The following NRXN3 variants were observed in gnomAD, a reference collection of about 807,000 sequenced individuals.
NRXN3 encodes neurexin III.
Under a neutral mutation model 137.6 loss-of-function variants are expected in NRXN3, and 32 were observed. The ratio of observed to expected loss-of-function variants is 0.23; its 90% CI spans 0.18 to 0.31. NRXN3 has a LOEUF of 0.31. NRXN3 is among the 10% of genes least tolerant of loss of function. The pLI is 1.00. For synonymous variants in NRXN3, 798 were observed against 784.5 expected, an observed-to-expected ratio of 1.02 and a Z score of -0.29; for missense variants, 1,574 against 2,062.5, an observed-to-expected ratio of 0.76 and a Z score of 4.59.
At chr14:78,288,668 TG>T (rs1479350420) in intron 3 of NRXN3, among the ~76,000 whole-genome samples, 2 of 152,216 alleles carry the variant, frequency 1.3e-5, no homozygotes, top group Non-Finnish European at 2.9e-5. Flanking sequence ...TTCTTTCCTT[TG>T]GAATGATTCT....
chr14:79,319,830 C>T (rs1478461027), intron 15 of NRXN3, among the ~76,000 whole-genome samples: 2 of 152,074 alleles, frequency 1.3e-5, no homozygotes, highest in Admixed American at 1.3e-4. Flanking sequence ...CTCTCTTGAC[C>T]AGCTCTGTTA....
chr14:79,285,223 G>A (rs960805436), intron 15 of NRXN3, among the ~76,000 whole-genome samples: 4 of 152,108 alleles, frequency 2.6e-5, no homozygotes, highest in African/African-American at 4.8e-5. Flanking sequence ...TACTGGCTGC[G>A]GGATGAAATT....
intron 20 of NRXN3, among the ~76,000 whole-genome samples, chr14:79,837,940 T>C (rs2099347712): frequency 6.6e-6 from 1 of 152,176 alleles, no homozygotes; most frequent in African/African-American, 2.4e-5. Flanking sequence ...TTTATATTTG[T>C]CTTATAGATA....
intron 10 of NRXN3, among the ~76,000 whole-genome samples, chr14:78,953,152 T>C (rs1280370040): frequency 6.6e-6 from 1 of 152,246 alleles, no homozygotes; most frequent in Non-Finnish European, 1.5e-5. Context: ...GTTCACCTTA[T>C]GAAGGTGTGT....
intron 8 of NRXN3, among the ~76,000 whole-genome samples, chr14:78,763,864 C>T (rs1229397603): frequency 1.3e-5 from 2 of 152,162 alleles, no homozygotes; most frequent in African/African-American, 4.8e-5. Context: ...GTGATTTAAT[C>T]CCTTGGCATT....
At chr14:79,660,533 G>A (rs2098528332) in intron 16 of NRXN3, among the ~76,000 whole-genome samples, 1 of 152,152 alleles carries the variant, frequency 6.6e-6, no homozygotes, top group African/African-American at 2.4e-5. Context: ...TATTCTGGCA[G>A]AGATTAAATC....
chr14:78,702,012 C>T (rs1235758824), intron 6 of NRXN3, among the ~76,000 whole-genome samples: 1 of 152,138 alleles, frequency 6.6e-6, no homozygotes, highest in Non-Finnish European at 1.5e-5. Context: ...TTACTGACCC[C>T]TGTTAGCAAG....
chr14:78,466,424 G>T (rs1222948390), intron 4 of NRXN3, among the ~76,000 whole-genome samples: 2 of 152,196 alleles, frequency 1.3e-5, no homozygotes, highest in African/African-American at 4.8e-5. Flanking sequence ...AGACTGAGTA[G>T]TATTTCTATG....
intron 10 of NRXN3, among the ~76,000 whole-genome samples, chr14:78,886,494 T>C (rs2099144182): frequency 1.3e-5 from 2 of 152,114 alleles, no homozygotes; most frequent in Non-Finnish European, 1.5e-5. Flanking sequence ...TTGCTTCTTT[T>C]ATATCTCTTT....
chr14:78,888,302 C>G (rs1001552916), intron 10 of NRXN3, among the ~76,000 whole-genome samples: 1 of 152,000 alleles, frequency 6.6e-6, no homozygotes, highest in African/African-American at 2.4e-5. Flanking sequence ...TTAAGAGAAT[C>G]TGTTCTGTTT....
At chr14:79,607,559 A>T (rs2098036743) in intron 16 of NRXN3, among the ~76,000 whole-genome samples, 1 of 152,208 alleles carries the variant, frequency 6.6e-6, no homozygotes, top group African/African-American at 2.4e-5. Flanking sequence ...TAAGAAGAAC[A>T]TATCTTTTCT....
rs538118566 is a variant in NRXN3 at position 78,186,367 on chromosome 14, G to C, written c.-704+15693G>C. On this transcript the variant is annotated intron_variant, in intron 1 of 20. Transcript: ENST00000335750. ...TGGCTTCCCAGGCAGAGCCTGAGGT[G>C]CAGGAACCTGAGTTCATGCTTTATG... 5.3e-5 allele frequency among the ~76,000 whole-genome samples: 8 copies of C among 152,358 alleles called. No individual in the cohort carries two copies. The South Asian group carries it at 1.7e-3, about 32-fold the overall frequency.
chr14:79,699,460 G>C (rs1422817746), intron 19 of NRXN3, among the ~76,000 whole-genome samples: 1 of 151,984 alleles, frequency 6.6e-6, no homozygotes, highest in Non-Finnish European at 1.5e-5. Flanking sequence ...TGGTCCTGTA[G>C]TTCTTTTTAA....
chr14:79,423,495 C>T (rs923785955), intron 15 of NRXN3, among the ~76,000 whole-genome samples: 1 of 152,210 alleles, frequency 6.6e-6, no homozygotes, highest in Non-Finnish European at 1.5e-5. Context: ...TAGAAGAAGA[C>T]TAGTTGATGC....
intron 4 of NRXN3, among the ~76,000 whole-genome samples, chr14:78,544,129 G>A (rs2096616938): frequency 6.6e-6 from 1 of 152,158 alleles, no homozygotes; most frequent in African/African-American, 2.4e-5. Flanking sequence ...GATAGCAGAG[G>A]AGCCCTGGGG....
intron 16 of NRXN3, among the ~76,000 whole-genome samples, chr14:79,486,599 T>C (rs189347177): frequency 9.2e-5 from 14 of 152,290 alleles, no homozygotes; most frequent in Non-Finnish European, 1.3e-4. Flanking sequence ...AGCGAATATT[T>C]AGTTCAGACA....
At chr14:78,745,019 C>T (rs1447341735) in intron 8 of NRXN3, 1 of 152,314 alleles carries the variant, frequency 6.6e-6, no homozygotes, top group African/African-American at 2.4e-5. Flanking sequence ...AGTCAAGCTA[C>T]AAGACACTGA....
chr14:79,114,767 A>G (rs2054106507), intron 15 of NRXN3, among the ~76,000 whole-genome samples: 2 of 152,084 alleles, frequency 1.3e-5, no homozygotes, highest in African/African-American at 4.8e-5. Flanking sequence ...GGCTCAAGCG[A>G]TGCTCCCACC....
chr14:78,825,478 T>A (rs1509152), intron 10 of NRXN3, among the ~76,000 whole-genome samples: 4 of 152,190 alleles, frequency 2.6e-5, no homozygotes, highest in Admixed American at 2.6e-4. Flanking sequence ...TACAATATCA[T>A]TGGATGAAGA....
Sources: allele counts gnomAD v4.1 joint callset (sites outside exome capture counted in the v4.1 genomes callset), GRCh38; gene constraint gnomAD v4.1.1; transcripts MANE v1.5; gene names NCBI Gene and HGNC (gene_info 2026-07-23, HGNC 2026-07-21).